Variants in LIMCH1 observed in about 807,000 individuals in gnomAD.
LIMCH1 encodes LIM and calponin homology domains 1.
A neutral mutation model predicts 176.5 loss-of-function variants in LIMCH1; 113 were observed. The ratio of observed to expected loss-of-function variants is 0.64; its 90% CI spans 0.55 to 0.75. The LOEUF (loss-of-function observed/expected upper bound fraction) is 0.75. Ranked by LOEUF, LIMCH1 falls within the 30% of genes least tolerant of loss-of-function variation. LIMCH1 has a pLI of 0.00. For synonymous variants in LIMCH1, 619 were observed against 645.9 expected (o/e 0.96, Z 0.63); for missense variants, 1,674 against 1,814.9 (o/e 0.92, Z 1.41).
chr4:41,630,092 C>T (rs1353552933), intron 9 of LIMCH1, among the ~76,000 whole-genome samples: 4 of 152,188 alleles, frequency 2.6e-5, no homozygotes, highest in African/African-American at 9.6e-5. Flanking sequence ...AGATGTGAGC[C>T]ACTGCACCTG....
intron 1 of LIMCH1, among the ~76,000 whole-genome samples, chr4:41,452,273 T>G (rs1221641142): frequency 6.6e-6 from 1 of 152,246 alleles, no homozygotes; most frequent in Admixed American, 6.5e-5. Flanking sequence ...TTTCCAGCCC[T>G]CATTTGAAGA....
At position 41,680,041 on chromosome 4, in the gene LIMCH1, A is replaced by G. The variant is rs1301551002; in HGVS notation, c.3555A>G (p.Glu1185=). 2 of 1,610,786 alleles carry G rather than the reference A, an allele frequency of 1.2e-6. No homozygotes were observed. Among genetic ancestry groups the G allele is most frequent in the East Asian group, 2.2e-5 (1 of 44,792 alleles). ...AGAAGGAGCAGGACAAGCTGAAAGA[A>G]GAGTGGGAAAAGGCCCAAAAGGAGG... ...RYQKEQDKLK[E]EWEKAQKEVE... Residue 1185 remains glutamate, a synonymous_variant, in exon 24 of 32, where the codon GAA becomes GAG. Transcript: ENST00000503057.
At chr4:41,599,061 C>T (rs1234797463) in intron 2 of LIMCH1, 35 bp downstream of exon 2, 4 of 1,293,490 alleles carry the variant, frequency 3.1e-6, no homozygotes, top group East Asian at 2.3e-5. Context: ...AAGGGAAACT[C>T]CTTTATAGTT....
At chr4:41,524,531 G>A in intron 3 of LIMCH1, 1 of 1,346,184 alleles carries the variant, frequency 7.4e-7, no homozygotes, top group Non-Finnish European at 1.1e-6. Flanking sequence ...CTCTAACCTA[G>A]GGGTCATGAC....
At chr4:41,537,589 T>C (rs1179108881), upstream of LIMCH1, among the ~76,000 whole-genome samples, 2 of 152,074 alleles carry the variant, frequency 1.3e-5, no homozygotes, top group Non-Finnish European at 2.9e-5. Context: ...ATGATGATCC[T>C]TTTTTTTCAT....
At chr4:41,689,292 C>T (rs1209726845) in intron 29 of LIMCH1, among the ~76,000 whole-genome samples, 4 of 152,158 alleles carry the variant, frequency 2.6e-5, no homozygotes, top group African/African-American at 7.2e-5. Flanking sequence ...CTTAAACACA[C>T]GCACCAGATT....
chr4:41,427,892 C>CTTAG (rs1195333590), intron 1 of LIMCH1, among the ~76,000 whole-genome samples: 4 of 149,986 alleles, frequency 2.7e-5, no homozygotes, highest in African/African-American at 4.9e-5. Flanking sequence ...GTCCTTAGAG[C>CTTAG]TTAGTTCTAT....
intron 18 of LIMCH1, among the ~76,000 whole-genome samples, chr4:41,654,795 T>A (rs987012189): frequency 6.6e-6 from 1 of 152,166 alleles, no homozygotes; most frequent in African/African-American, 2.4e-5. Context: ...GAGGGTGCTG[T>A]ATATTCTAGG....
At position 41,648,658 on chromosome 4, in the gene LIMCH1, G is replaced by GGTGTGTGTGTGT. The variant is rs71650941; in HGVS notation, c.2821-1704_2821-1693dup. 6.4e-3 allele frequency among the ~76,000 whole-genome samples: 870 copies of GGTGTGTGTGTGT among 135,368 alleles called. 11 individuals are homozygous for GGTGTGTGTGTGT. Among genetic ancestry groups the GGTGTGTGTGTGT allele is most frequent in the Middle Eastern group, 0.025 (6 of 236 alleles). The allele number at this position is 135,368 out of a possible 152,430, so 88.8% of individuals were successfully genotyped here. A position where few individuals can be genotyped will look rare whatever the true frequency, so the allele number is the denominator to read the frequency against. On this transcript the variant is annotated intron_variant, in intron 17 of 31. Coordinates refer to ENST00000503057, the MANE Select transcript of LIMCH1 (RefSeq NM_001330672.2). ...GCCAGGACAGAAGCTAAGGGGTAGG[G>GGTGTGTGTGTGT]GTGTGTGTGTGTGTGTGTGTGTGTG...
At chr4:41,575,323 C>T (rs905342956) in intron 1 of LIMCH1, among the ~76,000 whole-genome samples, 10 of 152,126 alleles carry the variant, frequency 6.6e-5, no homozygotes, top group African/African-American at 2.2e-4. Flanking sequence ...TGCCTCACCG[C>T]AAATGCAATC....
At chr4:41,641,269 C>T (rs889859320) in intron 14 of LIMCH1, among the ~76,000 whole-genome samples, 2 of 152,266 alleles carry the variant, frequency 1.3e-5, no homozygotes, top group East Asian at 1.9e-4. Flanking sequence ...CAACCCCCAT[C>T]CCCAGACACA....
At chr4:41,383,592 G>A (rs1419005324) in intron 1 of LIMCH1, among the ~76,000 whole-genome samples, 1 of 152,144 alleles carries the variant, frequency 6.6e-6, no homozygotes, top group Non-Finnish European at 1.5e-5. Flanking sequence ...ATCTTTGATT[G>A]ATTTTCAATC....
intron 14 of LIMCH1, among the ~76,000 whole-genome samples, chr4:41,643,610 A>G (rs1032876113): frequency 6.6e-6 from 1 of 152,228 alleles, no homozygotes; most frequent in Non-Finnish European, 1.5e-5. Context: ...ATAAGCTCCT[A>G]TAAAACATAT....
chr4:41,624,199 T>C (rs957577791), intron 7 of LIMCH1, among the ~76,000 whole-genome samples: 2 of 152,210 alleles, frequency 1.3e-5, no homozygotes, highest in African/African-American at 4.8e-5. Flanking sequence ...GTACCTCTTT[T>C]CTAATTGTTT....
intron 1 of LIMCH1, among the ~76,000 whole-genome samples, chr4:41,436,425 C>T (rs1292436918): frequency 1.3e-5 from 2 of 152,112 alleles, no homozygotes; most frequent in African/African-American, 4.8e-5. Context: ...GGGTCTGGGG[C>T]ATTAAAAAAT....
intron 3 of LIMCH1, among the ~76,000 whole-genome samples, chr4:41,605,569 T>C (rs941933972): frequency 6.6e-6 from 1 of 152,228 alleles, no homozygotes; most frequent in Non-Finnish European, 1.5e-5. Flanking sequence ...TTTGAAAAAT[T>C]GTGAAACCTT....
rs769085667 is a variant in LIMCH1, at chr4:41,666,587, C to T, written c.3318C>T (p.Pro1106=). 36 of 1,613,728 alleles carry T rather than the reference C, an allele frequency of 2.2e-5. 1 individual carries two copies. In the Middle Eastern group the frequency reaches 6.6e-4, roughly 29 times the overall value. Residue 1106 remains proline, a synonymous_variant, in exon 21 of 32, where the codon CCC becomes CCT. Transcript: ENST00000503057. ...QKVVKPKSPE[P]EATLTFPFLD... ...TGGTAAAGCCAAAATCTCCAGAACC[C>T]GAAGCAACGCTGACATTTCCATTTC...
intron 1 of LIMCH1, among the ~76,000 whole-genome samples, chr4:41,585,929 A>G (rs974717211): frequency 3.3e-5 from 5 of 152,220 alleles, no homozygotes; most frequent in Admixed American, 1.3e-4. Flanking sequence ...CATTGATCAC[A>G]CAGTTGGATG....
In LIMCH1 at chr4:41,489,829, G is replaced by A. The variant is rs561599096; in HGVS notation, c.97-4707G>A. ...TCCCCATTCAGTAGAAAATTCACGT[G>A]AAATTTTGAGTCCACAAAAACTTTA... On this transcript the variant is annotated intron_variant, in intron 1 of 26. Transcript: ENST00000313860. Among the ~76,000 whole-genome samples the A allele has an allele frequency of 5.9e-5, 9 of 152,116 alleles. No homozygotes were observed. The South Asian group carries it at 1.5e-3, about 25-fold the overall frequency.
Sources: gnomAD v4.1 joint callset for allele counts (sites outside exome capture counted in the v4.1 genomes callset) on GRCh38, gnomAD v4.1.1 for gene constraint, MANE v1.5 for transcripts, NCBI Gene and HGNC (gene_info 2026-07-23, HGNC 2026-07-21) for gene names.